Variants in HIP1 observed in about 807,000 individuals in gnomAD.
HIP1 encodes huntingtin interacting protein 1.
Under a neutral mutation model 147.6 loss-of-function variants are expected in HIP1, and 65 were observed. That is an observed-to-expected ratio of 0.44 (90% CI 0.36 to 0.54). HIP1 has a LOEUF of 0.54. Among genes scored for constraint, HIP1 ranks in the 20% least tolerant of loss-of-function variants. The pLI, the probability that HIP1 is intolerant of heterozygous loss-of-function variation, is 0.00. For synonymous variants in HIP1, 479 were observed against 504.0 expected, an observed-to-expected ratio of 0.95 and a Z score of 0.67; for missense variants, 1,061 against 1,299.6, an observed-to-expected ratio of 0.82 and a Z score of 2.82.
chr7:75,699,615 G>T (rs1015375070), intron 1 of HIP1, among the ~76,000 whole-genome samples: 1 of 152,108 alleles, frequency 6.6e-6, no homozygotes, highest in Non-Finnish European at 1.5e-5. Context: ...TCCAGCCCTC[G>T]AGACGCCAGT....
rs150139679 is a variant in HIP1 at position 75,608,800 on chromosome 7, A to G, written c.121-9553T>C. Among the ~76,000 whole-genome samples, 658 of 152,272 alleles carry G rather than the reference A, an allele frequency of 4.3e-3. 10 individuals carry two copies. Among genetic ancestry groups the G allele is most frequent in the African/African-American group, 0.015 (614 of 41,564 alleles). On this transcript the variant is annotated intron_variant, in intron 1 of 30. Coordinates refer to ENST00000336926, the MANE Select transcript of HIP1 (RefSeq NM_005338.7). The stretch of plus-strand genomic sequence containing the variant: ...GATGGACAGGTTCAGATTACATTAG[A>G]TGACTTCTAGGTCTCTTCCCATTTT...
chr7:75,723,231 G>A (rs573575602), intron 1 of HIP1, among the ~76,000 whole-genome samples: 1 of 152,078 alleles, frequency 6.6e-6, no homozygotes, highest in Non-Finnish European at 1.5e-5. Context: ...AATTAGCTGG[G>A]TGTGGTGGTG....
In HIP1 at chr7:75,553,529, T is replaced by G. The variant is rs1584787175; in HGVS notation, c.2219A>C (p.Glu740Ala). 1 of 1,614,140 alleles carries G rather than the reference T, an allele frequency of 6.2e-7. No individual in the cohort carries two copies. The highest frequency in any genetic ancestry group is 1.1e-5 in the South Asian group (1 of 91,084). ...GGCATTCTCAAGGCTTCCCTCTTCC[T>G]CCAGGGAGGCCAGGTAGGCGAGGGT... is the stretch of plus-strand genomic sequence containing the variant. ...RETLAYLASL[E>A]EEGSLENADS... The change falls in exon 22 of 31, where the codon GAG becomes GCG. Residue 740 changes from glutamate (E) to alanine (A), a missense_variant. Transcript: ENST00000336926.
At chr7:75,586,653 G>A in intron 5 of HIP1, 100 bp downstream of exon 5, 1 of 767,530 alleles carries the variant, frequency 1.3e-6, no homozygotes, top group Non-Finnish European at 2.3e-6. Context: ...AGCCTGGGCT[G>A]TCTATTACCT....
At chr7:75,664,146 ACATGTATGTGTG>A (rs1799450137) in intron 1 of HIP1, among the ~76,000 whole-genome samples, 1 of 54,770 alleles carries the variant, frequency 1.8e-5, no homozygotes, top group Admixed American at 2.1e-4. Flanking sequence ...GTACATACAT[ACATGTATGTGTG>A]TATATTTACA....
intron 13 of HIP1, among the ~76,000 whole-genome samples, chr7:75,560,493 CCTTCTGCCTGAG>C (rs1795189445): frequency 6.6e-6 from 1 of 152,130 alleles, no homozygotes; most frequent in South Asian, 2.1e-4. Flanking sequence ...CTCAAGTGAT[CCTTCTGCCTGAG>C]CCTTCCAAAG....
chr7:75,640,394 G>A (rs782694384), intron 1 of HIP1, among the ~76,000 whole-genome samples: 2 of 152,210 alleles, frequency 1.3e-5, no homozygotes, highest in Non-Finnish European at 2.9e-5. Context: ...GGCTTCCCAT[G>A]CTGCCACGGG....
chr7:75,544,644 T>C lies in HIP1; in HGVS notation c.2766+51A>G, dbSNP rs782430279. 26 of 1,081,436 alleles carry C rather than the reference T, an allele frequency of 2.4e-5. No homozygotes were observed. In the South Asian group the frequency reaches 2.9e-4, roughly 12 times the overall value. 67.0% of individuals were successfully genotyped at this position (1,081,436 alleles called of 1,614,324 possible). On this transcript the variant is annotated intron_variant, in intron 27 of 30. Coordinates refer to ENST00000336926, the MANE Select transcript of HIP1 (RefSeq NM_005338.7). ...CCAAGTACTCTTTAACCTAGCCTAG[T>C]ACTCTCTAACCAGGCCTTCCAGCGT...
At chr7:75,545,495 A>T (rs1554490820) in intron 25 of HIP1, among the ~76,000 whole-genome samples, 1 of 152,054 alleles carries the variant, frequency 6.6e-6, no homozygotes, top group African/African-American at 2.4e-5. Flanking sequence ...TACAAAAATT[A>T]GCTAGGTGTG....
intron 5 of HIP1, among the ~76,000 whole-genome samples, chr7:75,586,391 G>A (rs1399934175): frequency 1.3e-5 from 2 of 152,068 alleles, no homozygotes; most frequent in South Asian, 2.1e-4. Flanking sequence ...TAGTAGAGAC[G>A]GGGTTTTGCC....
intron 30 of HIP1, 69 bp downstream of exon 30, chr7:75,539,254 G>C: frequency 1.8e-6 from 2 of 1,114,302 alleles, no homozygotes; most frequent in Non-Finnish European, 2.8e-6. Flanking sequence ...TCCATTCTAG[G>C]GGAAGGCCCT....
At chr7:75,583,756 T>TGTGTGTGTGTGTGTG (rs1796144551) in intron 5 of HIP1, among the ~76,000 whole-genome samples, 1 of 115,406 alleles carries the variant, frequency 8.7e-6, no homozygotes, top group African/African-American at 3.4e-5. Flanking sequence ...GCGGGCTAAT[T>TGTGTGTGTGTGTGTG]TGTGTGTGTG....
chr7:75,644,943 T>G (rs1798758569), intron 1 of HIP1, among the ~76,000 whole-genome samples: 1 of 152,178 alleles, frequency 6.6e-6, no homozygotes, highest in Non-Finnish European at 1.5e-5. Context: ...TCACTTTGAC[T>G]CAAATGAGAA....
At chr7:75,673,440 C>T (rs1358458787) in intron 1 of HIP1, among the ~76,000 whole-genome samples, 1 of 152,078 alleles carries the variant, frequency 6.6e-6, no homozygotes, top group Non-Finnish European at 1.5e-5. Context: ...ATAGGGATTG[C>T]ATTGAATCTA....
intron 5 of HIP1, among the ~76,000 whole-genome samples, chr7:75,585,164 C>G (rs1796206440): frequency 2.1e-5 from 3 of 145,830 alleles, no homozygotes; most frequent in Admixed American, 1.4e-4. Context: ...TTAACACTTT[C>G]AATCTCTACT....
intron 7 of HIP1, among the ~76,000 whole-genome samples, chr7:75,576,683 T>C (rs1795857056): frequency 1.3e-5 from 2 of 152,070 alleles, no homozygotes; most frequent in Admixed American, 6.6e-5. Context: ...CACTCCAGCC[T>C]GAACGACAGA....
At chr7:75,555,201 G>GGGGGT (rs1794950299) in intron 19 of HIP1, among the ~76,000 whole-genome samples, 1 of 110,880 alleles carries the variant, frequency 9.0e-6, no homozygotes, top group Non-Finnish European at 1.9e-5. Context: ...GGGGCGGGGG[G>GGGGGT]GGGGAAGAAA....
intron 1 of HIP1, among the ~76,000 whole-genome samples, chr7:75,716,783 T>A (rs913646643): frequency 1.3e-5 from 2 of 151,392 alleles, no homozygotes; most frequent in Admixed American, 6.6e-5. Context: ...CCTCCCAAAG[T>A]GTTGGGATTA....
At chr7:75,700,319 C>G (rs1425961517) in intron 1 of HIP1, among the ~76,000 whole-genome samples, 4 of 152,154 alleles carry the variant, frequency 2.6e-5, no homozygotes, top group Admixed American at 6.6e-5. Context: ...GCAATCAAGC[C>G]AGGTTCAGCC....
Sources: allele counts gnomAD v4.1 joint callset (sites outside exome capture counted in the v4.1 genomes callset), GRCh38; gene constraint gnomAD v4.1.1; transcripts MANE v1.5; gene names NCBI Gene and HGNC (gene_info 2026-07-23, HGNC 2026-07-21).